The following DOCK1 variants were observed in gnomAD, a reference collection of about 807,000 sequenced individuals.
The protein encoded by DOCK1 is dedicator of cytokinesis protein 1.
Under a neutral mutation model 262.7 loss-of-function variants are expected in DOCK1, and 138 were observed. That is an observed-to-expected ratio of 0.53 (90% CI 0.46 to 0.61). DOCK1 has a LOEUF of 0.61. Ranked by LOEUF, DOCK1 falls within the 20% of genes least tolerant of loss-of-function variation. The pLI, the probability that DOCK1 is intolerant of heterozygous loss-of-function variation, is 0.00. For synonymous variants in DOCK1, 866 were observed against 867.4 expected (o/e 1.00, Z 0.03); for missense variants, 1,908 against 2,370.7 (o/e 0.80, Z 4.05).
intron 12 of DOCK1, among the ~76,000 whole-genome samples, chr10:127,016,733 C>CCACACACA (rs771716580): frequency 5.3e-5 from 3 of 56,998 alleles, no homozygotes; most frequent in African/African-American, 2.4e-4. Flanking sequence ...CACACACACA[C>CCACACACA]CACACACACA....
At chr10:127,236,028 T>C (rs1204633044) in intron 27 of DOCK1, among the ~76,000 whole-genome samples, 1 of 152,128 alleles carries the variant, frequency 6.6e-6, no homozygotes, top group African/African-American at 2.4e-5. Context: ...CTTTGTCAGA[T>C]AGGTGTTTTT....
chr10:127,426,043 G>A (rs781178878), intron 47 of DOCK1, 32 bp downstream of exon 47: 2 of 1,611,974 alleles, frequency 1.2e-6, no homozygotes, highest in South Asian at 2.2e-5. Flanking sequence ...TGTTGCAGAA[G>A]AGTGGGTGTC....
chr10:127,356,661 A>AG (rs1167353858), intron 32 of DOCK1, among the ~76,000 whole-genome samples: 1 of 151,874 alleles, frequency 6.6e-6, no homozygotes, highest in Non-Finnish European at 1.5e-5. Flanking sequence ...AATGGCATGG[A>AG]GGGGGGCTGT....
At chr10:126,981,050 C>A (rs965170705) in intron 3 of DOCK1, among the ~76,000 whole-genome samples, 1 of 151,188 alleles carries the variant, frequency 6.6e-6, no homozygotes, top group Non-Finnish European at 1.5e-5. Flanking sequence ...CGGGTTCAAG[C>A]GATTCTCCTG....
chr10:127,429,886 C>A (rs1429826572), intron 47 of DOCK1, among the ~76,000 whole-genome samples: 3 of 151,914 alleles, frequency 2.0e-5, no homozygotes, highest in South Asian at 4.2e-4. Context: ...TGTGTGTTGG[C>A]CTTCAGGCTT....
chr10:127,055,839 T>C (rs1191227501), intron 22 of DOCK1, among the ~76,000 whole-genome samples: 5 of 152,200 alleles, frequency 3.3e-5, no homozygotes, highest in African/African-American at 1.2e-4. Context: ...ACTGAAGTAC[T>C]CAGCTGCTCC....
At chr10:127,058,706 A>G (rs568930285) in intron 22 of DOCK1, among the ~76,000 whole-genome samples, 1 of 152,220 alleles carries the variant, frequency 6.6e-6, no homozygotes, top group East Asian at 1.9e-4. Context: ...AGAGATGGTA[A>G]CATCCATGTT....
At chr10:127,430,075 C>A (rs1318315658) in intron 47 of DOCK1, among the ~76,000 whole-genome samples, 3 of 152,170 alleles carry the variant, frequency 2.0e-5, no homozygotes, top group African/African-American at 7.2e-5. Context: ...TCCCCACCTA[C>A]AGTCACAACA....
At chr10:126,970,296 T>G (rs2038001990) in intron 1 of DOCK1, among the ~76,000 whole-genome samples, 1 of 152,256 alleles carries the variant, frequency 6.6e-6, no homozygotes, top group Non-Finnish European at 1.5e-5. Flanking sequence ...TTGTAAAATC[T>G]ATTGGCTTAA....
chr10:127,008,757 T>C lies in DOCK1; in HGVS notation c.1011T>C (p.Asn337=). 6.3e-7 allele frequency: 1 copy of C among 1,598,934 alleles called. No homozygotes were observed. The highest frequency in any genetic ancestry group is 8.5e-7 in the Non-Finnish European group (1 of 1,172,140). The part of the protein sequence containing the change: ...VAVMDVTDII[N]GKVDDEDKQH... ...TGATGGATGTAACAGATATAATAAA[T>C]GGAAAAGTAGATGATGAAGATAAGC... is the stretch of plus-strand genomic sequence containing the variant. The change falls in exon 11 of 52, where the codon AAT becomes AAC. Residue 337 remains asparagine (N), a synonymous_variant. Transcript: ENST00000623213.
intron 11 of DOCK1, among the ~76,000 whole-genome samples, chr10:127,010,072 A>C (rs748088728): frequency 1.3e-5 from 2 of 151,870 alleles, no homozygotes; most frequent in Non-Finnish European, 2.9e-5. Flanking sequence ...TATGTATCTC[A>C]GCATGCACAA....
At chr10:126,955,827 TC>T (rs1401798890) in intron 1 of DOCK1, among the ~76,000 whole-genome samples, 2 of 152,138 alleles carry the variant, frequency 1.3e-5, no homozygotes, top group African/African-American at 4.8e-5. Context: ...TTGGGTGCTC[TC>T]TAGGGAAGGA....
chr10:127,213,985 A>G (rs921573392), intron 27 of DOCK1, among the ~76,000 whole-genome samples: 4 of 151,936 alleles, frequency 2.6e-5, no homozygotes, highest in Admixed American at 6.6e-5. Context: ...GACTACAGGC[A>G]CCCGCCACCA....
chr10:127,258,242 C>T (rs2059894924), intron 29 of DOCK1, among the ~76,000 whole-genome samples: 1 of 152,138 alleles, frequency 6.6e-6, no homozygotes, highest in South Asian at 2.1e-4. Flanking sequence ...TGAGTGTTTC[C>T]ATCACCACAA....
chr10:127,212,490 GC>G (rs1713919100), intron 27 of DOCK1, among the ~76,000 whole-genome samples: 1 of 152,136 alleles, frequency 6.6e-6, no homozygotes, highest in South Asian at 2.1e-4. Context: ...CTTTGATTCA[GC>G]GGGCAGGTGC....
At chr10:127,250,272 G>A (rs1463274029) in intron 28 of DOCK1, among the ~76,000 whole-genome samples, 1 of 152,198 alleles carries the variant, frequency 6.6e-6, no homozygotes, top group Non-Finnish European at 1.5e-5. Flanking sequence ...ATTAAGTGCT[G>A]TAATTGATAA....
intron 1 of DOCK1, among the ~76,000 whole-genome samples, chr10:126,907,897 G>A (rs769719805): frequency 6.6e-6 from 1 of 151,998 alleles, no homozygotes; most frequent in African/African-American, 2.4e-5. Flanking sequence ...ATTTAAAAAA[G>A]TTAAAAAAAG....
At chr10:127,417,173 G>A (rs1463053584) in intron 44 of DOCK1, among the ~76,000 whole-genome samples, 1 of 152,226 alleles carries the variant, frequency 6.6e-6, no homozygotes, top group Non-Finnish European at 1.5e-5. Flanking sequence ...ATGGGTGGGG[G>A]CCCATCACGC....
rs1389891826 is a variant in DOCK1 at position 126,990,574 on chromosome 10, G to C, written c.444G>C (p.Lys148Asn). Residue 148 changes from lysine to asparagine, a missense_variant, in exon 6 of 52, where the codon AAG becomes AAC. By Grantham distance (94) the Lys-to-Asn change is moderately conservative. This residue lies in a region of DOCK1 where 227 missense variants were observed against 254.1 expected (regional missense o/e 0.89). Coordinates refer to ENST00000623213, the MANE Select transcript of DOCK1 (RefSeq NM_001290223.2). ...PQDELKELKK[K>N]VTAKIDYGNR... ...ATGAACTCAAAGAACTGAAGAAGAA[G>C]GTCACAGCCAAAATTGATTATGGAA... The C allele has an allele frequency of 1.2e-6, 2 of 1,613,302 alleles. No homozygotes were observed. Among genetic ancestry groups the C allele is most frequent in the Non-Finnish European group, 1.7e-6 (2 of 1,179,780 alleles).
Sources: gnomAD v4.1 joint callset for allele counts (sites outside exome capture counted in the v4.1 genomes callset) on GRCh38, gnomAD v4.1.1 for gene constraint, gnomAD v4.1.1 regional missense constraint, MANE v1.5 for transcripts, NCBI Gene and HGNC (gene_info 2026-07-23, HGNC 2026-07-21) for gene names.